The following CAPZB variants were observed in gnomAD, a reference collection of about 807,000 sequenced individuals.
CAPZB encodes F-actin-capping protein subunit beta.
In CAPZB, 2 loss-of-function variants were observed where a neutral mutation model predicts 38.1. The observed-to-expected ratio is 0.05, with a 90% CI of 0.02 to 0.17. The LOEUF is 0.17. Among genes scored for constraint, CAPZB ranks in the 10% least tolerant of loss-of-function variants. CAPZB has a pLI of 1.00. For synonymous variants in CAPZB, 107 were observed against 127.4 expected (o/e 0.84, Z 1.08); for missense variants, 161 against 334.2 (o/e 0.48, Z 4.04).
intron 1 of CAPZB, among the ~76,000 whole-genome samples, chr1:19,420,963 G>T (rs959999499): frequency 6.6e-6 from 1 of 152,206 alleles, no homozygotes; most frequent in African/African-American, 2.4e-5. Context: ...CTCAGGAGAT[G>T]AGACAAGAAA....
intron 2 of CAPZB, among the ~76,000 whole-genome samples, chr1:19,400,214 A>G (rs1376434935): frequency 6.6e-6 from 1 of 151,870 alleles, no homozygotes; most frequent in Non-Finnish European, 1.5e-5. Flanking sequence ...CCCGCTACCC[A>G]TGGCACAGGT....
intron 1 of CAPZB, among the ~76,000 whole-genome samples, chr1:19,447,833 T>C (rs536560904): frequency 1.2e-4 from 19 of 152,368 alleles, no homozygotes; most frequent in South Asian, 2.1e-4. Context: ...GCCTCTCTGA[T>C]GCACTGGTAC....
At chr1:19,347,475 AT>A (rs1163478065) in intron 6 of CAPZB, among the ~76,000 whole-genome samples, 1 of 152,062 alleles carries the variant, frequency 6.6e-6, no homozygotes, top group Non-Finnish European at 1.5e-5. Flanking sequence ...ACCTGGCCAC[AT>A]TTCCACAGCC....
At chr1:19,396,697 T>C (rs879366052) in intron 2 of CAPZB, among the ~76,000 whole-genome samples, 5 of 151,558 alleles carry the variant, frequency 3.3e-5, no homozygotes, top group Non-Finnish European at 5.9e-5. Context: ...TCCCAGCACT[T>C]TGGGAGGCCG....
At chr1:19,387,191 C>T (rs1558212108) in intron 2 of CAPZB, among the ~76,000 whole-genome samples, 2 of 152,326 alleles carry the variant, frequency 1.3e-5, no homozygotes, top group East Asian at 3.9e-4. Context: ...TACCCAAGGG[C>T]CACACAAGAA....
chr1:19,432,268 C>T (rs951453769), intron 1 of CAPZB, among the ~76,000 whole-genome samples: 1 of 151,184 alleles, frequency 6.6e-6, no homozygotes, highest in Non-Finnish European at 1.5e-5. Context: ...ATGGCAAAAC[C>T]CCATCTCCAT....
intron 4 of CAPZB, among the ~76,000 whole-genome samples, chr1:19,374,856 G>A (rs1357902423): frequency 6.6e-6 from 1 of 152,228 alleles, no homozygotes; most frequent in Non-Finnish European, 1.5e-5. Flanking sequence ...CCTTGCTCAG[G>A]GGACAACAAA....
At chr1:19,373,828 T>C (rs2094131734) in intron 4 of CAPZB, among the ~76,000 whole-genome samples, 1 of 151,870 alleles carries the variant, frequency 6.6e-6, no homozygotes, top group Non-Finnish European at 1.5e-5. Context: ...GCTAGGCCTA[T>C]GTGTGTGTGT....
chr1:19,444,199 A>G (rs2094488716), intron 1 of CAPZB, among the ~76,000 whole-genome samples: 1 of 152,088 alleles, frequency 6.6e-6, no homozygotes, highest in African/African-American at 2.4e-5. Flanking sequence ...ATCAATGAAG[A>G]GCTTCAGCAG....
chr1:19,482,383 G>A (rs1161237614), intron 1 of CAPZB, among the ~76,000 whole-genome samples: 1 of 152,226 alleles, frequency 6.6e-6, no homozygotes, highest in Non-Finnish European at 1.5e-5. Context: ...GTTTCACCTT[G>A]TAACAATACC....
chr1:19,387,218 G>A (rs2094208941), intron 2 of CAPZB, among the ~76,000 whole-genome samples: 1 of 152,190 alleles, frequency 6.6e-6, no homozygotes, highest in African/African-American at 2.4e-5. Context: ...AGTGGAGACA[G>A]AAAACAAAAC....
intron 1 of CAPZB, among the ~76,000 whole-genome samples, chr1:19,446,953 T>A (rs1166016724): frequency 6.6e-6 from 1 of 152,214 alleles, no homozygotes; most frequent in East Asian, 1.9e-4. Flanking sequence ...TTTGTCAATT[T>A]TACCCTCTAT....
rs149824287 is a variant in CAPZB at position 19,433,157 on chromosome 1, T to C, written c.4-13407A>G. ...CTCCACATGATCCTGGCTGGTTTCA[T>C]GTAACAAGCGACTAATCCCTGCACT... is the stretch of plus-strand genomic sequence containing the variant. On this transcript the variant is annotated intron_variant, in intron 1 of 8. Transcript: ENST00000264202. 2.3e-3 allele frequency among the ~76,000 whole-genome samples: 347 copies of C among 152,362 alleles called. 2 individuals are homozygous for C. The South Asian group carries it at 0.024, about 10-fold the overall frequency.
chr1:19,345,087 A>G, intron 7 of CAPZB, 100 bp downstream of exon 7: 2 of 905,598 alleles, frequency 2.2e-6, no homozygotes, highest in Non-Finnish European at 3.6e-6. Flanking sequence ...GGTGGAGCTG[A>G]GAGAAAGCAG....
intron 1 of CAPZB, among the ~76,000 whole-genome samples, chr1:19,434,075 G>A (rs923943154): frequency 4.6e-5 from 7 of 152,176 alleles, no homozygotes; most frequent in East Asian, 3.8e-4. Context: ...CTGTCATAAC[G>A]TTGCCCTCTT....
chr1:19,430,522 G>C (rs2094438514), intron 1 of CAPZB, among the ~76,000 whole-genome samples: 1 of 152,224 alleles, frequency 6.6e-6, no homozygotes, highest in Non-Finnish European at 1.5e-5. Flanking sequence ...AAAGGAGTTA[G>C]CCATCCAGAG....
chr1:19,425,512 T>G (rs1012416238), intron 1 of CAPZB, among the ~76,000 whole-genome samples: 1 of 152,184 alleles, frequency 6.6e-6, no homozygotes, highest in African/African-American at 2.4e-5. Context: ...TTACCCCATT[T>G]TAAGCTGGCA....
At chr1:19,397,623 C>T (rs905637003) in intron 2 of CAPZB, among the ~76,000 whole-genome samples, 7 of 152,174 alleles carry the variant, frequency 4.6e-5, no homozygotes, top group African/African-American at 1.7e-4. Flanking sequence ...ACCTCTCATA[C>T]CAGCCACCTA....
chr1:19,455,466 T>C (rs1470782261), intron 1 of CAPZB, among the ~76,000 whole-genome samples: 1 of 152,226 alleles, frequency 6.6e-6, no homozygotes, highest in Non-Finnish European at 1.5e-5. Flanking sequence ...TGGTCCCCAC[T>C]GGCCTCATTA....
Sources: allele counts gnomAD v4.1 joint callset (sites outside exome capture counted in the v4.1 genomes callset), GRCh38; gene constraint gnomAD v4.1.1; transcripts MANE v1.5; gene names NCBI Gene and HGNC (gene_info 2026-07-23, HGNC 2026-07-21).